The following SAMD3 variants were observed in gnomAD, a reference collection of about 807,000 sequenced individuals.
The protein encoded by SAMD3 is sterile alpha motif domain-containing protein 3.
In SAMD3, 63 loss-of-function variants were observed where a neutral mutation model predicts 58.5. The ratio of observed to expected loss-of-function variants is 1.08; its 90% CI spans 0.88 to 1.33. The LOEUF (loss-of-function observed/expected upper bound fraction) is 1.33, where lower values mean the gene tolerates loss of function less well. Among genes scored for constraint, SAMD3 ranks in the 40% most tolerant of loss-of-function variants. The probability of loss-of-function intolerance (pLI) is 0.00; values close to 1 mark genes in which losing one functional copy is unlikely to be tolerated. For missense variants in SAMD3, 604 were observed against 608.4 expected, an observed-to-expected ratio of 0.99 and a Z score of 0.08; for synonymous variants, 220 against 210.3, an observed-to-expected ratio of 1.05 and a Z score of -0.40.
intron 1 of SAMD3, among the ~76,000 whole-genome samples, chr6:130,354,537 G>T (rs1004326805): frequency 2.0e-5 from 3 of 152,154 alleles, no homozygotes; most frequent in Admixed American, 1.3e-4. Context: ...CATGGATGGG[G>T]CAGGAGGCCA....
intron 5 of SAMD3, among the ~76,000 whole-genome samples, chr6:130,209,011 T>C (rs1218866671): frequency 1.3e-5 from 2 of 152,196 alleles, no homozygotes; most frequent in Non-Finnish European, 2.9e-5. Flanking sequence ...TATTGAAATA[T>C]ACATTACGTA....
chr6:130,242,078 C>A (rs970784968), intron 2 of SAMD3, among the ~76,000 whole-genome samples: 11 of 152,202 alleles, frequency 7.2e-5, no homozygotes, highest in African/African-American at 2.6e-4. Context: ...CCAGCAGCAA[C>A]AAAAAACAGT....
intron 8 of SAMD3, among the ~76,000 whole-genome samples, chr6:130,171,858 T>A (rs1791281308): frequency 6.6e-6 from 1 of 152,220 alleles, no homozygotes; most frequent in African/African-American, 2.4e-5. Context: ...TCTTTGCAGG[T>A]CTCCAAGAAC....
intron 2 of SAMD3, among the ~76,000 whole-genome samples, chr6:130,254,385 A>G (rs78209187): frequency 6.6e-6 from 1 of 151,896 alleles, no homozygotes; most frequent in African/African-American, 2.4e-5. Flanking sequence ...TGATAGAGAC[A>G]GGCTTTGGCC....
intron 1 of SAMD3, among the ~76,000 whole-genome samples, chr6:130,330,373 T>G (rs2115011740): frequency 6.6e-6 from 1 of 152,352 alleles, no homozygotes; most frequent in East Asian, 1.9e-4. Flanking sequence ...ATAGCCTATA[T>G]GAATTTCTAT....
intron 10 of SAMD3, 57 bp from the exon 11 acceptor site, chr6:130,145,479 G>A (rs1788538610): frequency 1.7e-6 from 2 of 1,205,060 alleles, no homozygotes; most frequent in Admixed American, 3.7e-5. Flanking sequence ...GCAATTGTAA[G>A]CTAAGCTAGT....
At chr6:130,149,409 G>T (rs892073676) in intron 9 of SAMD3, among the ~76,000 whole-genome samples, 2 of 152,172 alleles carry the variant, frequency 1.3e-5, no homozygotes, top group South Asian at 2.1e-4. Context: ...AAAGACGCAT[G>T]CACACATATA....
intron 1 of SAMD3, among the ~76,000 whole-genome samples, chr6:130,330,386 C>T (rs760069738): frequency 4.6e-5 from 7 of 152,146 alleles, no homozygotes; most frequent in Non-Finnish European, 8.8e-5. Flanking sequence ...ATTTCTATTG[C>T]TATCTAAGCT....
chr6:130,154,034 CG>C (rs1789496130), intron 9 of SAMD3, among the ~76,000 whole-genome samples: 2 of 151,854 alleles, frequency 1.3e-5, no homozygotes, highest in Admixed American at 6.6e-5. Context: ...ATAAAGGAAA[CG>C]TATTTTTACT....
At chr6:130,164,582 C>T (rs1790558192) in intron 8 of SAMD3, among the ~76,000 whole-genome samples, 1 of 152,086 alleles carries the variant, frequency 6.6e-6, no homozygotes, top group African/African-American at 2.4e-5. Context: ...CTGGTATTAC[C>T]TGCAACAGGC....
chr6:130,275,860 T>G (rs1226262571), intron 2 of SAMD3, among the ~76,000 whole-genome samples: 2 of 152,188 alleles, frequency 1.3e-5, no homozygotes, highest in Admixed American at 1.3e-4. Context: ...TCTTTGATTA[T>G]GACCTTGCTC....
intron 2 of SAMD3, among the ~76,000 whole-genome samples, chr6:130,257,735 A>T (rs959686964): frequency 6.6e-6 from 1 of 152,214 alleles, no homozygotes; most frequent in South Asian, 2.1e-4. Flanking sequence ...AATTTTAAGT[A>T]TACAACTTGA....
intron 2 of SAMD3, among the ~76,000 whole-genome samples, chr6:130,311,895 AG>A (rs1562515530): frequency 6.6e-6 from 1 of 152,090 alleles, no homozygotes; most frequent in Non-Finnish European, 1.5e-5. Flanking sequence ...CCCCATCAGG[AG>A]GGGGGCCTTT....
intron 2 of SAMD3, among the ~76,000 whole-genome samples, chr6:130,288,988 C>T (rs1326602483): frequency 6.6e-6 from 1 of 152,230 alleles, no homozygotes; most frequent in African/African-American, 2.4e-5. Flanking sequence ...CTTCTATAAT[C>T]TCTTATTTCA....
chr6:130,336,648 G>C lies in SAMD3; in HGVS notation c.-303-23555C>G, dbSNP rs529397308. 7.9e-5 allele frequency among the ~76,000 whole-genome samples: 12 copies of C among 152,280 alleles called. No individual in the cohort carries two copies. In the South Asian group the frequency reaches 2.3e-3, roughly 29 times the overall value. On this transcript the variant is annotated intron_variant, in intron 1 of 13. Transcript: ENST00000368134. ...ATTGTGCTTCCTGCTTATATGTTGT[G>C]GCTTAATGCCTGACAGAATGCTGGT...
intron 2 of SAMD3, among the ~76,000 whole-genome samples, chr6:130,284,854 T>C (rs910267021): frequency 3.2e-4 from 49 of 152,256 alleles, no homozygotes; most frequent in African/African-American, 1.1e-3. Context: ...TCCAACAACA[T>C]ATATAGAGAA....
chr6:130,311,824 G>T (rs2169828), intron 2 of SAMD3, among the ~76,000 whole-genome samples: 12,858 of 152,164 alleles, frequency 0.085, 1,498 homozygotes, highest in African/African-American at 0.27. Context: ...CTCTGTTTGG[G>T]TGGATAGCTA....
chr6:130,344,806 G>A (rs1482400084), intron 1 of SAMD3, among the ~76,000 whole-genome samples: 2 of 84,586 alleles, frequency 2.4e-5, no homozygotes, highest in African/African-American at 4.5e-5. Flanking sequence ...GGGAAAGGAA[G>A]CAGAAAGAAC....
At chr6:130,212,098 T>G (rs1381291509) in intron 4 of SAMD3, among the ~76,000 whole-genome samples, 1 of 151,862 alleles carries the variant, frequency 6.6e-6, no homozygotes, top group Non-Finnish European at 1.5e-5. Flanking sequence ...GGTTCTTCTG[T>G]ACACCAAGTT....
Sources: allele counts gnomAD v4.1 joint callset (sites outside exome capture counted in the v4.1 genomes callset), GRCh38; gene constraint gnomAD v4.1.1; transcripts MANE v1.5; gene names NCBI Gene and HGNC (gene_info 2026-07-23, HGNC 2026-07-21).